RGPD1: variants seen among roughly 807,000 people sequenced by gnomAD.
RGPD1 encodes the protein RANBP2-like and GRIP domain-containing protein 1.
Under a neutral mutation model 40.6 loss-of-function variants are expected in RGPD1, and 7 were observed. The ratio of observed to expected loss-of-function variants is 0.17; its 90% CI spans 0.10 to 0.32. The LOEUF is 0.32. RGPD1 is among the 10% of genes least tolerant of loss of function. The pLI is 1.00. For synonymous variants in RGPD1, 24 were observed against 167.0 expected (o/e 0.14, Z 6.60); for missense variants, 50 against 472.5 (o/e 0.11, Z 8.29).
upstream of RGPD1, among the ~76,000 whole-genome samples, chr2:86,939,194 T>A (rs1573599289): frequency 2.3e-5 from 2 of 86,578 alleles, no homozygotes; most frequent in African/African-American, 5.0e-5. Flanking sequence ...TAGTGTGAAA[T>A]GAAGTAAAAT....
Position 86,913,894 on chromosome 2 carries a change from G to C in RGPD1, c.45G>C (p.Val15=), listed in dbSNP as rs754427752. 7 of 1,569,858 alleles carry C rather than the reference G, an allele frequency of 4.5e-6. 1 individual carries two copies. In the South Asian group the frequency reaches 8.0e-5, roughly 18 times the overall value. Residue 15 remains valine, a synonymous_variant, in exon 1 of 23, where the codon GTG becomes GTC. Coordinates refer to the RGPD1 transcript ENST00000398193. ...ACGGGGAGCGGTACCTCGCCTCGGT[G>C]CAGGGCTCCGCCCCGTCGCCTGGAA...
intron 1 of RGPD1, among the ~76,000 whole-genome samples, chr2:86,914,258 C>G (rs1297344956): frequency 1.9e-4 from 15 of 79,884 alleles, no homozygotes; most frequent in African/African-American, 7.4e-4. Flanking sequence ...CGGCGGCGGC[C>G]TCGGCCTCGG....
intron 1 of RGPD1, among the ~76,000 whole-genome samples, chr2:86,925,907 G>T (rs1389675784): frequency 2.0e-5 from 3 of 152,144 alleles, no homozygotes; most frequent in Non-Finnish European, 2.9e-5. Context: ...GCACAAGATT[G>T]TTTGCCAAAT....
chr2:86,924,736 T>G (rs1472139629), intron 1 of RGPD1, among the ~76,000 whole-genome samples: 2 of 151,984 alleles, frequency 1.3e-5, no homozygotes, highest in African/African-American at 4.8e-5. Flanking sequence ...TCTCCCAAAG[T>G]GCTGCGATTA....
intron 1 of RGPD1, among the ~76,000 whole-genome samples, chr2:86,932,062 G>A (rs1282535473): frequency 1.4e-5 from 2 of 145,564 alleles, no homozygotes; most frequent in Non-Finnish European, 3.0e-5. Context: ...AAACAGACTT[G>A]GAAGGGCAAA....
At chr2:86,938,699 G>A (rs1408740838), upstream of RGPD1, among the ~76,000 whole-genome samples, 1 of 148,058 alleles carries the variant, frequency 6.8e-6, no homozygotes, top group Admixed American at 6.7e-5. Flanking sequence ...ATGGCCTTTT[G>A]TTACATCCCA....
intron 1 of RGPD1, among the ~76,000 whole-genome samples, chr2:86,924,519 G>A (rs1053394681): frequency 3.3e-5 from 5 of 150,650 alleles, no homozygotes; most frequent in Non-Finnish European, 7.4e-5. Flanking sequence ...ACGCCGGACT[G>A]CAGTGATGCT....
Position 86,931,924 on chromosome 2 carries a change from A to G in RGPD1, c.72+18003A>G, listed in dbSNP as rs28488379. Among the ~76,000 whole-genome samples, 1,398 of 148,276 alleles carry G rather than the reference A, an allele frequency of 9.4e-3. 15 individuals are homozygous for G. Among genetic ancestry groups the G allele is most frequent in the Admixed American group, 0.061 (900 of 14,782 alleles). On this transcript the variant is annotated intron_variant, in intron 1 of 22. Coordinates refer to the RGPD1 transcript ENST00000398193. ...ATATAGACAGAGAAGATAATAATAT[A>G]TTCATTATATATATATTTATGTATT...
intron 1 of RGPD1, 105 bp downstream of exon 1, chr2:86,942,413 C>T (rs1166682347): frequency 8.2e-7 from 1 of 1,223,436 alleles, no homozygotes. Flanking sequence ...CTCGATGGCT[C>T]AGGCGTCATG....
intron 6 of RGPD1, among the ~76,000 whole-genome samples, chr2:86,960,084 C>T (rs1680871426): frequency 1.3e-5 from 1 of 77,910 alleles, no homozygotes; most frequent in Admixed American, 1.2e-4. Flanking sequence ...CCTTGGCCCT[C>T]AGAGGGGGAG....
chr2:86,914,588 CGGCCTT>C (rs1475679167), intron 1 of RGPD1, among the ~76,000 whole-genome samples: 4 of 59,910 alleles, frequency 6.7e-5, no homozygotes, highest in Admixed American at 1.7e-4. Context: ...GCCTCGGCCT[CGGCCTT>C]GGCCTCGACC....
Position 86,942,433 on chromosome 2 carries a change from G to T in RGPD1, c.72+125G>T. 2 of 1,012,696 alleles carry T rather than the reference G, an allele frequency of 2.0e-6. 1 individual carries two copies. Among genetic ancestry groups the T allele is most frequent in the East Asian group, 1.5e-4 (2 of 13,020 alleles). The allele number at this position is 1,012,696 out of a possible 1,614,324, so 62.7% of individuals were successfully genotyped here. On this transcript the variant is annotated intron_variant, in intron 1 of 22. Transcript: ENST00000641458. ...TGGCTCAGGCGTCATGGCTCCCGAC[G>T]GGCGCTGCTCCCTGGCGCGCTCTGT...
At chr2:86,924,796 A>G (rs1190799626) in intron 1 of RGPD1, among the ~76,000 whole-genome samples, 1 of 151,828 alleles carries the variant, frequency 6.6e-6, no homozygotes, top group Non-Finnish European at 1.5e-5. Context: ...CTTTTAAATT[A>G]AAATTCACAT....
chr2:86,944,748 C>T (rs1243072927), intron 1 of RGPD1, among the ~76,000 whole-genome samples: 1 of 152,096 alleles, frequency 6.6e-6, no homozygotes, highest in African/African-American at 2.4e-5. Flanking sequence ...CTTTCTGTCT[C>T]CCAGGCTGGA....
rs112108059 is a variant in RGPD1, at chr2:86,924,605, C to T, written c.72+10684C>T. Among the ~76,000 whole-genome samples the T allele has an allele frequency of 8.8e-3, 1,330 of 150,484 alleles. 22 individuals are homozygous for T. Among genetic ancestry groups the T allele is most frequent in the African/African-American group, 0.031 (1,277 of 41,344 alleles). On this transcript the variant is annotated intron_variant, in intron 1 of 22. Coordinates refer to the RGPD1 transcript ENST00000398193. ...CTCAGCCTCCAAGTGGCTAGGACTA[C>T]CGGTATGCTCCATCATGCCTGGCTA...
chr2:86,949,763 C>CTT (rs1240035878), intron 1 of RGPD1, among the ~76,000 whole-genome samples: 4 of 18,202 alleles, frequency 2.2e-4, no homozygotes, highest in African/African-American at 6.7e-4. Flanking sequence ...GTTGTATCAG[C>CTT]TTTTTTTTTT....
rs550825321 is a variant in RGPD1 at position 86,945,739 on chromosome 2, G to A, written c.72+3431G>A. Among the ~76,000 whole-genome samples the A allele has an allele frequency of 3.5e-4, 53 of 150,070 alleles. 1 individual carries two copies. Among genetic ancestry groups the A allele is most frequent in the Admixed American group, 3.1e-3 (46 of 15,010 alleles). On this transcript the variant is annotated intron_variant, in intron 1 of 22. Transcript: ENST00000641458. Reference sequence around the variant, plus strand: ...TTAAAAATACAAAAATGAGCCGGGCGTGGTGGCAGCGCCTGTAGTCCCACC... The same window carrying A: ...TTAAAAATACAAAAATGAGCCGGGCATGGTGGCAGCGCCTGTAGTCCCACC...
At chr2:86,924,947 G>A (rs1678365481) in intron 1 of RGPD1, among the ~76,000 whole-genome samples, 2 of 150,756 alleles carry the variant, frequency 1.3e-5, no homozygotes, top group African/African-American at 4.8e-5. Flanking sequence ...AGTAAGACCA[G>A]TTGTCTACCA....
chr2:86,930,214 A>G (rs1477105219), intron 1 of RGPD1: 1 of 1,446,478 alleles, frequency 6.9e-7, no homozygotes, highest in Non-Finnish European at 9.5e-7. Context: ...GTGGGAGGAA[A>G]CACCTTCCAC....
Sources: gnomAD v4.1 joint callset for allele counts (sites outside exome capture counted in the v4.1 genomes callset) on GRCh38, gnomAD v4.1.1 for gene constraint, MANE v1.5 for transcripts, NCBI Gene and HGNC (gene_info 2026-07-23, HGNC 2026-07-21) for gene names.